Variants in CMSS1 observed in about 807,000 individuals in gnomAD.
The protein encoded by CMSS1 is protein CMSS1.
In CMSS1, 33 loss-of-function variants were observed where a neutral mutation model predicts 43.5. The ratio of observed to expected loss-of-function variants is 0.76; its 90% confidence interval spans 0.57 to 1.01. CMSS1 has a LOEUF of 1.01. Ranked by LOEUF, CMSS1 falls within the 50% of genes least tolerant of loss-of-function variation. The pLI is 0.00. For synonymous variants in CMSS1, 115 were observed against 117.2 expected (o/e 0.98, Z 0.12); for missense variants, 313 against 326.4 (o/e 0.96, Z 0.32).
chr3:100,051,405 T>G (rs1237761357), intron 1 of CMSS1: 1 of 152,054 alleles, frequency 6.6e-6, no homozygotes, highest in Admixed American at 6.5e-5. Flanking sequence ...GTGCACAATG[T>G]GCAGGTTAGT....
intron 1 of CMSS1, chr3:99,850,023 G>C: frequency 1.2e-6 from 2 of 1,607,114 alleles, no homozygotes; most frequent in Non-Finnish European, 1.7e-6. Flanking sequence ...CTTCTACATC[G>C]GTTTTGGACT....
chr3:99,931,669 A>G (rs1457934314), intron 1 of CMSS1, among the ~76,000 whole-genome samples: 3 of 152,184 alleles, frequency 2.0e-5, no homozygotes, highest in African/African-American at 7.2e-5. Flanking sequence ...TTCTAGATCT[A>G]TCCTTGGGTA....
intron 1 of CMSS1, among the ~76,000 whole-genome samples, chr3:100,135,438 A>ATGTG (rs71132511): frequency 0.044 from 5,280 of 120,728 alleles, 154 homozygotes; most frequent in Admixed American, 0.073. Context: ...GTGTGTGTGC[A>ATGTG]TGTGTGTGTG....
At chr3:100,029,767 A>G (rs1354544536) in intron 1 of CMSS1, among the ~76,000 whole-genome samples, 2 of 152,192 alleles carry the variant, frequency 1.3e-5, no homozygotes, top group Non-Finnish European at 1.5e-5. Context: ...AACTGCTACT[A>G]AGAGGGCTTT....
intron 1 of CMSS1, among the ~76,000 whole-genome samples, chr3:100,116,777 G>A (rs1204985295): frequency 6.6e-6 from 1 of 152,168 alleles, no homozygotes; most frequent in Non-Finnish European, 1.5e-5. Context: ...AGGATAAGGT[G>A]GTTTCTGTTA....
intron 1 of CMSS1, among the ~76,000 whole-genome samples, chr3:100,130,090 C>T (rs1397988732): frequency 2.0e-5 from 3 of 152,184 alleles, no homozygotes; most frequent in African/African-American, 7.2e-5. Context: ...AAATTTTCTC[C>T]ATATGCTTAG....
intron 1 of CMSS1, among the ~76,000 whole-genome samples, chr3:100,062,349 G>A (rs910105078): frequency 1.3e-5 from 2 of 151,820 alleles, no homozygotes; most frequent in Admixed American, 6.6e-5. Context: ...CTGACCTCGC[G>A]ATCCACCCGT....
chr3:100,167,937 C>G, intron 6 of CMSS1, 97 bp downstream of exon 6: 2 of 746,512 alleles, frequency 2.7e-6, no homozygotes, highest in East Asian at 5.2e-5. Flanking sequence ...TAGCAATAAA[C>G]AAAACAGAGT....
chr3:100,017,490 C>G (rs1489527506), intron 1 of CMSS1, among the ~76,000 whole-genome samples: 1 of 152,196 alleles, frequency 6.6e-6, no homozygotes, highest in African/African-American at 2.4e-5. Flanking sequence ...ATACCTGGCA[C>G]CTACCAAATG....
At chr3:99,832,859 TTG>T (rs1340503863) in intron 1 of CMSS1, among the ~76,000 whole-genome samples, 4 of 117,520 alleles carry the variant, frequency 3.4e-5, no homozygotes, top group African/African-American at 1.1e-4. Context: ...AAAAAAAAAG[TTG>T]TTTTTTTTTT....
At chr3:99,961,004 G>A (rs528518518) in intron 1 of CMSS1, among the ~76,000 whole-genome samples, 2 of 151,972 alleles carry the variant, frequency 1.3e-5, no homozygotes, top group South Asian at 2.1e-4. Flanking sequence ...TGTGCAGATC[G>A]CAGGTTTTAT....
intron 1 of CMSS1, among the ~76,000 whole-genome samples, chr3:100,059,213 C>A (rs1273930597): frequency 6.6e-6 from 1 of 152,210 alleles, no homozygotes; most frequent in Non-Finnish European, 1.5e-5. Flanking sequence ...TTGTTTCTGT[C>A]CAGTTTCTGG....
intron 1 of CMSS1, among the ~76,000 whole-genome samples, chr3:99,873,983 A>G (rs1428709603): frequency 2.0e-5 from 3 of 152,224 alleles, no homozygotes; most frequent in Non-Finnish European, 4.4e-5. Context: ...GATTGTCCCA[A>G]GGACTAAGAA....
intron 1 of CMSS1, among the ~76,000 whole-genome samples, chr3:99,982,044 T>C (rs1234123419): frequency 6.6e-6 from 1 of 151,896 alleles, no homozygotes; most frequent in African/African-American, 2.4e-5. Flanking sequence ...GCTCTTTTAG[T>C]TGTTTATAAA....
intron 7 of CMSS1, 169 bp downstream of exon 7, chr3:100,172,068 C>T: frequency 1.5e-6 from 1 of 647,202 alleles, no homozygotes; most frequent in Non-Finnish European, 2.7e-6. Flanking sequence ...ATACCTACCT[C>T]CCCAGTATGG....
intron 1 of CMSS1, among the ~76,000 whole-genome samples, chr3:100,095,641 T>C (rs1391921100): frequency 6.6e-6 from 1 of 152,096 alleles, no homozygotes; most frequent in African/African-American, 2.4e-5. Flanking sequence ...AAGACTTAAA[T>C]ATATAAGACT....
intron 1 of CMSS1, among the ~76,000 whole-genome samples, chr3:100,062,251 A>G (rs1030786680): frequency 1.3e-5 from 2 of 151,408 alleles, no homozygotes; most frequent in African/African-American, 4.9e-5. Context: ...AGCTGGGACT[A>G]CAGGCGCTCG....
chr3:100,092,337 T>C (rs2066124758), intron 1 of CMSS1, among the ~76,000 whole-genome samples: 1 of 152,120 alleles, frequency 6.6e-6, no homozygotes, highest in Non-Finnish European at 1.5e-5. Flanking sequence ...CATAGCATAT[T>C]TTGGATTCCA....
In CMSS1 at chr3:100,166,217, GC is replaced by G. The variant is rs1243003397; in HGVS notation, c.356-113del. 5 of 628,696 alleles carry G rather than the reference GC, an allele frequency of 8.0e-6. 1 individual carries two copies. In the Admixed American group the frequency reaches 1.1e-4, roughly 14 times the overall value. The allele number at this position is 628,696 out of a possible 1,614,324, so 38.9% of individuals were successfully genotyped here. A position where few individuals can be genotyped will look rare whatever the true frequency, so the allele number is the denominator to read the frequency against. ...GGCAACACTTTAAGATATAAAATGG[GC>G]CCCCAATTCACTAATATTTTACAAC... On this transcript the variant is annotated intron_variant, in intron 4 of 9. Coordinates refer to ENST00000421999, the MANE Select transcript of CMSS1 (RefSeq NM_032359.4).
Sources: allele counts gnomAD v4.1 joint callset (sites outside exome capture counted in the v4.1 genomes callset), GRCh38; gene constraint gnomAD v4.1.1; transcripts MANE v1.5; gene names NCBI Gene and HGNC (gene_info 2026-07-23, HGNC 2026-07-21).